The following EVC2 variants were observed in gnomAD, a reference collection of about 807,000 sequenced individuals.
EVC2 encodes the protein limbin.
Under a neutral mutation model 149.3 loss-of-function variants are expected in EVC2, and 148 were observed. The ratio of observed to expected loss-of-function variants is 0.99; its 90% CI spans 0.87 to 1.14. EVC2 has a LOEUF of 1.14. Ranked by LOEUF, EVC2 falls within the 50% of genes most tolerant of loss-of-function variation. The pLI, the probability that EVC2 is intolerant of heterozygous loss-of-function variation, is 0.00. For synonymous variants in EVC2, 776 were observed against 649.9 expected (o/e 1.19, Z -2.95); for missense variants, 1,854 against 1,627.3 (o/e 1.14, Z -2.40).
chr4:5,583,636 A>G (rs1351599437), intron 17 of EVC2, among the ~76,000 whole-genome samples: 1 of 152,008 alleles, frequency 6.6e-6, no homozygotes, highest in Non-Finnish European at 1.5e-5. Context: ...ATCTGTATAA[A>G]GTTGTTCATA....
chr4:5,688,888 CTA>C (rs1212890471), intron 5 of EVC2, among the ~76,000 whole-genome samples: 1 of 152,162 alleles, frequency 6.6e-6, no homozygotes, highest in African/African-American at 2.4e-5. Context: ...TAAAAATAGA[CTA>C]TGTATTTTTA....
At chr4:5,644,470 A>G (rs992326420) in intron 9 of EVC2, among the ~76,000 whole-genome samples, 3 of 151,702 alleles carry the variant, frequency 2.0e-5, no homozygotes, top group Non-Finnish European at 4.4e-5. Context: ...ATGCCCAACT[A>G]ATTTTTGCAT....
intron 1 of EVC2, among the ~76,000 whole-genome samples, chr4:5,699,941 G>C (rs993745812): frequency 2.6e-5 from 4 of 152,158 alleles, no homozygotes; most frequent in Non-Finnish European, 4.4e-5. Context: ...AGGAGTTCGA[G>C]ACCAGTCTGG....
chr4:5,563,269 G>A (rs1173948183), intron 21 of EVC2, among the ~76,000 whole-genome samples, 154 bp from the exon 22 acceptor site: 2 of 152,294 alleles, frequency 1.3e-5, no homozygotes, highest in South Asian at 4.1e-4. Flanking sequence ...TCACCAGATT[G>A]CTGTAAAATT....
chr4:5,574,757 T>C lies in EVC2; in HGVS notation c.3288A>G (p.Gln1096=), dbSNP rs138902279. 102 of 1,614,230 alleles carry C rather than the reference T, an allele frequency of 6.3e-5. No homozygotes were observed. In the African/African-American group the frequency reaches 1.3e-3, roughly 20 times the overall value. The stretch of plus-strand genomic sequence containing the variant: ...AGTCTTCTAGCACGACACTGTTCTG[T>C]TGTTCCTCTCTCAAACTGGAGTGAA... The part of the protein sequence containing the change: ...EQHQQCLREE[Q]QNSVVLEDLL... Residue 1096 remains glutamine, a synonymous_variant, in exon 19 of 22, where the codon CAA becomes CAG. Transcript: ENST00000344408.
chr4:5,537,484 A>G, the EVC2 span, among the ~76,000 whole-genome samples: 1 of 152,238 alleles, frequency 6.6e-6, no homozygotes, highest in South Asian at 2.1e-4. Flanking sequence ...TAGAGGACTC[A>G]GAACGATCTT....
chr4:5,686,125 C>CAT lies in EVC2; in HGVS notation c.707-647_707-646insAT, dbSNP rs368742579. On this transcript the variant is annotated intron_variant, in intron 5 of 21. Coordinates refer to ENST00000344408, the MANE Select transcript of EVC2 (RefSeq NM_147127.5). This position sits in a 1 kb window ranked among gnomAD's most constrained non-coding sequence, Gnocchi z 5.4. ...ACACACACACACACACACACACACA[C>CAT]ACAGAGTAAAGAAAAGAGGAGGAAC... Among the ~76,000 whole-genome samples the CAT allele has an allele frequency of 0.44, 48,560 of 110,016 alleles. 8,336 individuals carry two copies. Among genetic ancestry groups the CAT allele is most frequent in the East Asian group, 0.65 (2,823 of 4,328 alleles). 72.2% of individuals were successfully genotyped at this position (110,016 alleles called of 152,430 possible).
chr4:5,643,005 G>A (rs914888992), intron 9 of EVC2, among the ~76,000 whole-genome samples: 3 of 152,164 alleles, frequency 2.0e-5, no homozygotes, highest in Non-Finnish European at 4.4e-5. Context: ...CAGACAGACC[G>A]ATCAACAGAC....
chr4:5,612,401 T>G (rs1025247611), intron 16 of EVC2, among the ~76,000 whole-genome samples: 3 of 152,194 alleles, frequency 2.0e-5, no homozygotes, highest in African/African-American at 7.2e-5. Flanking sequence ...AGGAATGTGC[T>G]TAGTTCCTTC....
chr4:5,580,952 T>C (rs749768421), intron 17 of EVC2, among the ~76,000 whole-genome samples: 3 of 152,092 alleles, frequency 2.0e-5, no homozygotes, highest in Non-Finnish European at 4.4e-5. Flanking sequence ...ATCTGGTTGT[T>C]TAAAACTGTG....
chr4:5,529,702 C>A, the EVC2 span, among the ~76,000 whole-genome samples: 1 of 152,002 alleles, frequency 6.6e-6, no homozygotes, highest in African/African-American at 2.4e-5. This position sits in a 1 kb window ranked among gnomAD's most constrained non-coding sequence, Gnocchi z 4.5. Context: ...TTTATGCCAT[C>A]CTATGTTTTT....
At chr4:5,685,868 G>A (rs1296839515) in intron 5 of EVC2, among the ~76,000 whole-genome samples, 1 of 152,192 alleles carries the variant, frequency 6.6e-6, no homozygotes, top group Non-Finnish European at 1.5e-5. Flanking sequence ...TACCAGGACT[G>A]GAGGCCTTCG....
At chr4:5,655,810 G>C (rs1487630140) in intron 9 of EVC2, among the ~76,000 whole-genome samples, 1 of 151,734 alleles carries the variant, frequency 6.6e-6, no homozygotes, top group Non-Finnish European at 1.5e-5. Context: ...AGGGAGGACA[G>C]TTTCAAAATA....
At chr4:5,565,874 G>C (rs1274208005) in intron 20 of EVC2, among the ~76,000 whole-genome samples, 1 of 152,138 alleles carries the variant, frequency 6.6e-6, no homozygotes, top group African/African-American at 2.4e-5. Context: ...CAAGTCTATG[G>C]GATCACAGAC....
chr4:5,700,430 C>T (rs904422290), intron 1 of EVC2, among the ~76,000 whole-genome samples: 1 of 152,228 alleles, frequency 6.6e-6, no homozygotes, highest in Non-Finnish European at 1.5e-5. Flanking sequence ...TTTCAACCAG[C>T]ACCTGCTGCT....
intron 3 of EVC2, among the ~76,000 whole-genome samples, chr4:5,693,950 T>C (rs1374859178): frequency 6.6e-6 from 1 of 152,214 alleles, no homozygotes; most frequent in African/African-American, 2.4e-5. Flanking sequence ...AGTGAGATTA[T>C]ACATAGAAAG....
downstream of EVC2, among the ~76,000 whole-genome samples, chr4:5,561,224 G>A (rs1474645170): frequency 6.6e-6 from 1 of 152,128 alleles, no homozygotes; most frequent in East Asian, 1.9e-4. Flanking sequence ...TAGATGTGGT[G>A]GACTTTACAG....
At chr4:5,599,583 AG>A (rs993167055) in intron 16 of EVC2, among the ~76,000 whole-genome samples, 2 of 151,318 alleles carry the variant, frequency 1.3e-5, no homozygotes, top group African/African-American at 4.8e-5. Context: ...GGGTGGGCAG[AG>A]GGGGGAGGGA....
chr4:5,629,500 C>G (rs1372055246), intron 11 of EVC2, among the ~76,000 whole-genome samples: 5 of 152,200 alleles, frequency 3.3e-5, no homozygotes, highest in Non-Finnish European at 7.3e-5. Flanking sequence ...CCAGGAACAT[C>G]AGTAGAACTA....
Sources: allele counts gnomAD v4.1 joint callset (sites outside exome capture counted in the v4.1 genomes callset), GRCh38; gene constraint gnomAD v4.1.1; non-coding constraint Gnocchi (gnomAD v3.1); transcripts MANE v1.5; gene names NCBI Gene and HGNC (gene_info 2026-07-23, HGNC 2026-07-21).